MIA3: variants seen among roughly 807,000 people sequenced by gnomAD.
MIA3 encodes the protein MIA SH3 domain ER export factor 3.
MIA3 carries 90 observed loss-of-function variants against 192.4 expected under a neutral mutation model. That is an observed-to-expected ratio of 0.47 (90% CI 0.39 to 0.56). The LOEUF (loss-of-function observed/expected upper bound fraction) is 0.56. MIA3 is among the 20% of genes least tolerant of loss of function. The pLI, the probability that MIA3 is intolerant of heterozygous loss-of-function variation, is 0.00. For missense variants in MIA3, 2,123 were observed against 2,269.4 expected (o/e 0.94, Z 1.31); for synonymous variants, 740 against 792.8 (o/e 0.93, Z 1.12).
rs956125713 is a variant in MIA3, at chr1:222,644,368, G to C, written c.3478-1186G>C. 37 of 1,509,348 alleles carry C rather than the reference G, an allele frequency of 2.5e-5. 1 individual carries two copies. The African/African-American group carries it at 5.1e-4, about 21-fold the overall frequency. The allele number at this position is 1,509,348 out of a possible 1,614,324, so 93.5% of individuals were successfully genotyped here. The stretch of plus-strand genomic sequence containing the variant: ...CTGTGGAAGGCGAAGTTCAATCCCA[G>C]AGTCCGCCCCCTGAATTGGGGCCTT... On this transcript the variant is annotated intron_variant, in intron 6 of 27. Transcript: ENST00000344922.
At position 222,662,067 on chromosome 1, in the gene MIA3, G is replaced by A. The variant is rs775350220; in HGVS notation, c.5125G>A (p.Gly1709Arg). 12 of 1,613,618 alleles carry A rather than the reference G, an allele frequency of 7.4e-6. No homozygotes were observed. In the African/African-American group the frequency reaches 8.0e-5, roughly 11 times the overall value. ...MPRSEFGSVD[G>R]PLPHPRWSAE... ...ATTTCTTTCTCAAGGATCAGTGGAC[G>A]GGCCTCTACCTCATCCTCGATGGTC... The change falls in exon 25 of 28, where the codon GGG becomes AGG. Residue 1709 changes from glycine (G) to arginine (R), a missense_variant. Coordinates refer to ENST00000344922, the MANE Select transcript of MIA3 (RefSeq NM_198551.4).
Position 222,618,371 on chromosome 1 carries a change from C to G in MIA3, c.133+128C>G, listed in dbSNP as rs982450820. On this transcript the variant is annotated intron_variant, in intron 1 of 27. Coordinates refer to ENST00000344922, the MANE Select transcript of MIA3 (RefSeq NM_198551.4). ...GGGAGTTCCGCAGCCCCTGGCCGGCCCGGGGGTCGCAGGCGGGATGGGCTG... is the reference window on the plus strand; with the variant it reads ...GGGAGTTCCGCAGCCCCTGGCCGGCGCGGGGGTCGCAGGCGGGATGGGCTG... The G allele has an allele frequency of 1.1e-5, 11 of 1,000,256 alleles. No individual in the cohort carries two copies. The African/African-American group carries it at 1.7e-4, about 15-fold the overall frequency. The allele number at this position is 1,000,256 out of a possible 1,614,324, so 62.0% of individuals were successfully genotyped here.
At chr1:222,640,267 T>G (rs1036794542) in intron 6 of MIA3, among the ~76,000 whole-genome samples, 1 of 152,138 alleles carries the variant, frequency 6.6e-6, no homozygotes, top group Non-Finnish European at 1.5e-5. Context: ...TTTGATCACT[T>G]GCATTAACAT....
rs778204882 is a variant in MIA3, at chr1:222,662,138, A to T, written c.5182+14A>T. On this transcript the variant is annotated intron_variant, in intron 25 of 27. Coordinates refer to ENST00000344922, the MANE Select transcript of MIA3 (RefSeq NM_198551.4). The stretch of plus-strand genomic sequence containing the variant: ...CCTCTCCTTCTGGTAAGGGAGCAAG[A>T]GTGTTCAAAGAGTCTAAAACCATGC... 1 of 1,613,272 alleles carries T rather than the reference A, an allele frequency of 6.2e-7. No homozygotes were observed. Among genetic ancestry groups the T allele is most frequent in the South Asian group, 1.1e-5 (1 of 91,030 alleles).
chr1:222,650,945 T>G, intron 11 of MIA3, 42 bp downstream of exon 11: 1 of 1,173,708 alleles, frequency 8.5e-7, no homozygotes, highest in Non-Finnish European at 1.2e-6. Context: ...ATTTGGGTTT[T>G]GAACTCTTTT....
At chr1:222,635,688 T>C (rs1662593637) in intron 6 of MIA3, among the ~76,000 whole-genome samples, 2 of 152,182 alleles carry the variant, frequency 1.3e-5, no homozygotes, top group East Asian at 1.9e-4. Flanking sequence ...GCTGACTTTA[T>C]TGGGAAAACT....
In MIA3 at chr1:222,629,387, G is replaced by C. The variant is rs1227564571; in HGVS notation, c.2167G>C (p.Asp723His). Residue 723 changes from aspartate (D) to histidine (H), a missense_variant, in exon 4 of 28, where the codon GAT (aspartate) becomes CAT (histidine). Transcript: ENST00000344922. ...GPAFLSKVEE[D>H]DYPSEELLED... ...AGCTTTCCTTTCTAAAGTAGAAGAGGATGATTATCCCTCTGAAGAACTACT... is the reference window on the plus strand; with the variant it reads ...AGCTTTCCTTTCTAAAGTAGAAGAGCATGATTATCCCTCTGAAGAACTACT... 1.9e-6 allele frequency: 3 copies of C among 1,614,054 alleles called. No homozygotes were observed. The highest frequency in any genetic ancestry group is 4.5e-5 in the East Asian group (2 of 44,900).
chr1:222,632,855 T>G (rs1195814790), intron 5 of MIA3, among the ~76,000 whole-genome samples: 1 of 152,156 alleles, frequency 6.6e-6, no homozygotes, highest in East Asian at 1.9e-4. Context: ...TAAAATACAG[T>G]GAAGGGGTCC....
rs1662067989 is a variant in MIA3 at position 222,625,399 on chromosome 1, A to G, written c.354+545A>G. On this transcript the variant is annotated intron_variant, in intron 3 of 27. Coordinates refer to ENST00000344922, the MANE Select transcript of MIA3 (RefSeq NM_198551.4). ...TTTATATTTACTTATTAATGTTAGA[A>G]GGCAAAAAATTTCATTTCACAAGCA... 2.0e-5 allele frequency among the ~76,000 whole-genome samples: 3 copies of G among 152,260 alleles called. No individual in the cohort carries two copies. The South Asian group carries it at 6.2e-4, about 31-fold the overall frequency.
rs3748626 is a variant in MIA3 at position 222,629,461 on chromosome 1, T to A, written c.2241T>A (p.Pro747=). 9.3e-6 allele frequency: 15 copies of A among 1,613,888 alleles called. No homozygotes were observed. The highest frequency in any genetic ancestry group is 3.3e-5 in the Admixed American group (2 of 60,002). ...INAKRSKEKN[P]GNQGRQFDVN... ...CAAAACGGTCTAAAGAAAAAAACCC[T>A]GGGAATCAGGGCAGGCAGTTTGATG... Residue 747 remains proline, a synonymous_variant, in exon 4 of 28, where the codon CCT becomes CCA. Transcript: ENST00000344922.
chr1:222,658,718 T>C lies in MIA3; in HGVS notation c.4608-4T>C. The C allele has an allele frequency of 6.2e-7, 1 of 1,600,292 alleles. No individual in the cohort carries two copies. The highest frequency in any genetic ancestry group is 1.1e-5 in the South Asian group (1 of 89,000). Reference sequence around the variant, plus strand: ...ACTTTCATTGACAACCAGTTTTATCTTAGGAAACTGAGTCAAGAAGAGTAT... The same window carrying C: ...ACTTTCATTGACAACCAGTTTTATCCTAGGAAACTGAGTCAAGAAGAGTAT... On this transcript the variant is annotated splice_polypyrimidine_tract_variant and splice_region_variant and intron_variant, in intron 18 of 27. Transcript: ENST00000344922.
Position 222,628,988 on chromosome 1 carries a change from G to C in MIA3, c.1768G>C (p.Ala590Pro), listed in dbSNP as rs761864266. Residue 590 changes from alanine (A) to proline (P), a missense_variant, in exon 4 of 28, where the codon GCA becomes CCA. Ala to Pro is a conservative substitution (Grantham distance 27). Around this residue, in one of 3 missense-constraint regions of MIA3, gnomAD observed 1,357 missense variants for 1,396.1 expected, o/e 0.97. Transcript: ENST00000344922. ...APLMGDDHPN[A>P]SRDSVEGDAL... ...ACTCATGGGAGATGACCACCCTAAC[G>C]CATCCAGAGACAGTGTGGAGGGAGA... 1.2e-6 allele frequency: 2 copies of C among 1,614,192 alleles called. No individual in the cohort carries two copies. Among genetic ancestry groups the C allele is most frequent in the South Asian group, 2.2e-5 (2 of 91,088 alleles).
chr1:222,618,345 C>T (rs1225998720), intron 1 of MIA3, 102 bp downstream of exon 1: 35 of 1,152,188 alleles, frequency 3.0e-5, no homozygotes, highest in Non-Finnish European at 3.7e-5. Context: ...TGTGCGGGGA[C>T]GGGAGTTCCG....
At position 222,650,552 on chromosome 1, in the gene MIA3, G is replaced by C. The variant is rs1328610629; in HGVS notation, c.3721-82G>C. 3.9e-6 allele frequency: 4 copies of C among 1,018,984 alleles called. No individual in the cohort carries two copies. The African/African-American group carries it at 6.5e-5, about 17-fold the overall frequency. 63.1% of individuals were successfully genotyped at this position (1,018,984 alleles called of 1,614,324 possible). A position where few individuals can be genotyped will look rare whatever the true frequency, so the allele number is the denominator to read the frequency against. ...TATGTGTAAAGTACTGTTTTCTTCTGTAAGAGGTCAGTCACTTGAAAATAA... is the reference window on the plus strand; with the variant it reads ...TATGTGTAAAGTACTGTTTTCTTCTCTAAGAGGTCAGTCACTTGAAAATAA... On this transcript the variant is annotated intron_variant, in intron 9 of 27. Transcript: ENST00000344922.
Position 222,632,331 on chromosome 1 carries a change from A to G in MIA3, c.3331+5A>G. The G allele has an allele frequency of 6.2e-7, 1 of 1,606,288 alleles. No individual in the cohort carries two copies. The highest frequency in any genetic ancestry group is 8.5e-7 in the Non-Finnish European group (1 of 1,177,736). ...CTGAGAAAGACCTGGACCCAGGTAAAGCCTGCTAATTTTTTTCTACAAAGT... is the reference window on the plus strand; with the variant it reads ...CTGAGAAAGACCTGGACCCAGGTAAGGCCTGCTAATTTTTTTCTACAAAGT... On this transcript the variant is annotated splice_donor_5th_base_variant and intron_variant, in intron 5 of 27. Coordinates refer to ENST00000344922, the MANE Select transcript of MIA3 (RefSeq NM_198551.4).
At chr1:222,644,101 C>T (rs77830841) in intron 6 of MIA3, among the ~76,000 whole-genome samples, 1,627 of 152,322 alleles carry the variant, frequency 0.011, 37 homozygotes, top group African/African-American at 0.037. Context: ...AATCCCTGGC[C>T]TCATTACTCT....
intron 6 of MIA3, among the ~76,000 whole-genome samples, chr1:222,640,111 A>C (rs1328861153): frequency 6.6e-6 from 1 of 152,136 alleles, no homozygotes; most frequent in African/African-American, 2.4e-5. Flanking sequence ...AATATGGAGT[A>C]CTTATGGATA....
At position 222,660,330 on chromosome 1, in the gene MIA3, T is replaced by G. The variant is rs1462926872; in HGVS notation, c.5113+16T>G. The G allele has an allele frequency of 6.2e-7, 1 of 1,601,138 alleles. No homozygotes were observed. Reference sequence around the variant, plus strand: ...AGTGAATTTGGTGAGCATTCACATGTTTCCTTGCAATACTCTTTTGGGTGG... The same window carrying G: ...AGTGAATTTGGTGAGCATTCACATGGTTCCTTGCAATACTCTTTTGGGTGG... On this transcript the variant is annotated intron_variant, in intron 24 of 27. Transcript: ENST00000344922.
At chr1:222,634,792 A>C (rs1041399769) in intron 6 of MIA3, among the ~76,000 whole-genome samples, 2 of 152,248 alleles carry the variant, frequency 1.3e-5, no homozygotes, top group African/African-American at 2.4e-5. Flanking sequence ...TTTTCTGTTA[A>C]AATCCATGGG....
Sources: gnomAD v4.1 joint callset for allele counts (sites outside exome capture counted in the v4.1 genomes callset) on GRCh38, gnomAD v4.1.1 for gene constraint, gnomAD v4.1.1 regional missense constraint, MANE v1.5 for transcripts, NCBI Gene and HGNC (gene_info 2026-07-23, HGNC 2026-07-21) for gene names.